The following ELOC variants were observed in gnomAD, a reference collection of about 807,000 sequenced individuals.
ELOC encodes elongin C.
For missense variants in ELOC, 38 were observed against 139.0 expected (o/e 0.27, Z 3.65); for synonymous variants, 40 against 51.3 (o/e 0.78, Z 0.94).
chr8:73,957,604 C>A (rs1339342020), intron 2 of ELOC, among the ~76,000 whole-genome samples: 1 of 152,110 alleles, frequency 6.6e-6, no homozygotes, highest in Non-Finnish European at 1.5e-5. Context: ...CACTCATGTG[C>A]TCCCACTGCC....
intron 1 of ELOC, among the ~76,000 whole-genome samples, chr8:73,965,455 A>T (rs1814910086): frequency 6.6e-6 from 1 of 152,246 alleles, no homozygotes; most frequent in Admixed American, 6.5e-5. Flanking sequence ...ATTCACAAAA[A>T]GGGATGATCT....
chr8:73,967,813 C>G (rs1311017981), intron 1 of ELOC, among the ~76,000 whole-genome samples: 1 of 152,170 alleles, frequency 6.6e-6, no homozygotes, highest in Non-Finnish European at 1.5e-5. Flanking sequence ...GAATTTCTGT[C>G]CAACTATTAA....
chr8:73,948,576 TA>T (rs1813535698), intron 3 of ELOC, among the ~76,000 whole-genome samples: 1 of 152,102 alleles, frequency 6.6e-6, no homozygotes, highest in African/African-American at 2.4e-5. Context: ...TCTTAAAAGA[TA>T]AAACAAAACA....
intron 3 of ELOC, among the ~76,000 whole-genome samples, chr8:73,947,596 T>C (rs181837419): frequency 2.0e-4 from 31 of 152,012 alleles, no homozygotes; most frequent in Admixed American, 1.6e-3. Flanking sequence ...TTTTTTGACA[T>C]AGAGTCTTGA....
chr8:73,956,155 C>T (rs1814168943), intron 2 of ELOC, 101 bp from the exon 3 acceptor site: 3 of 1,103,284 alleles, frequency 2.7e-6, no homozygotes, highest in Non-Finnish European at 3.9e-6. Context: ...AATCCCAGCA[C>T]TTTGGCAGGC....
chr8:73,967,271 G>A (rs1051240658), intron 1 of ELOC, among the ~76,000 whole-genome samples: 7 of 152,056 alleles, frequency 4.6e-5, no homozygotes, highest in Non-Finnish European at 7.4e-5. Flanking sequence ...TTTTAGTGTG[G>A]GGGTTGACAC....
intron 3 of ELOC, among the ~76,000 whole-genome samples, chr8:73,947,326 CAT>C (rs1351651115): frequency 6.6e-6 from 1 of 151,920 alleles, no homozygotes; most frequent in Non-Finnish European, 1.5e-5. Context: ...CAGAGATGGG[CAT>C]AGAGGGAAAA....
At chr8:73,953,080 T>C (rs1297313927) in intron 3 of ELOC, among the ~76,000 whole-genome samples, 3 of 151,886 alleles carry the variant, frequency 2.0e-5, no homozygotes, top group Non-Finnish European at 4.4e-5. Flanking sequence ...CGAGGTGGGC[T>C]GATCACTTGA....
At chr8:73,959,084 C>T (rs1343105923) in intron 2 of ELOC, among the ~76,000 whole-genome samples, 1 of 152,078 alleles carries the variant, frequency 6.6e-6, no homozygotes, top group African/African-American at 2.4e-5. Flanking sequence ...AAAAGGTATA[C>T]CTGTATAGGG....
chr8:73,968,816 T>C (rs1252975477), intron 1 of ELOC, among the ~76,000 whole-genome samples: 1 of 152,240 alleles, frequency 6.6e-6, no homozygotes, highest in African/African-American at 2.4e-5. Flanking sequence ...GGGGTTCTTA[T>C]CAAATTTCAA....
At chr8:73,957,050 G>A (rs2131120624) in intron 2 of ELOC, among the ~76,000 whole-genome samples, 1 of 152,096 alleles carries the variant, frequency 6.6e-6, no homozygotes, top group African/African-American at 2.4e-5. Context: ...GCGGGTGCCT[G>A]TAGTCCCAGC....
intron 1 of ELOC, among the ~76,000 whole-genome samples, chr8:73,961,405 A>G (rs1814584577): frequency 6.6e-6 from 1 of 152,252 alleles, no homozygotes; most frequent in Non-Finnish European, 1.5e-5. Flanking sequence ...TCATCCATGT[A>G]GAGAGGATAA....
chr8:73,958,790 T>C (rs1814384602), intron 2 of ELOC, among the ~76,000 whole-genome samples: 1 of 152,240 alleles, frequency 6.6e-6, no homozygotes, highest in African/African-American at 2.4e-5. Context: ...CTGATCTGCC[T>C]GTCGGGAATA....
At chr8:73,958,545 G>A (rs1027514672) in intron 2 of ELOC, among the ~76,000 whole-genome samples, 1 of 152,064 alleles carries the variant, frequency 6.6e-6, no homozygotes, top group Non-Finnish European at 1.5e-5. Flanking sequence ...CATAAAAAGC[G>A]GGAGGAGCCA....
At position 73,946,926 on chromosome 8, in the gene ELOC, A is replaced by G. The variant is rs564898780; in HGVS notation, c.149-106T>C. The G allele has an allele frequency of 7.6e-5, 70 of 916,104 alleles. No homozygotes were observed. The East Asian group carries it at 1.7e-3, about 23-fold the overall frequency. The allele number at this position is 916,104 out of a possible 1,614,324, so 56.7% of individuals were successfully genotyped here. ...CCACAGAATGTGGCTGTATTTAGAG[A>G]TAAGTTCTTTAAAGAGGTAATTAAA... is the stretch of plus-strand genomic sequence containing the variant. On this transcript the variant is annotated intron_variant, in intron 3 of 3. Coordinates refer to ENST00000520242, the MANE Select transcript of ELOC (RefSeq NM_005648.4).
chr8:73,959,858 A>G, intron 1 of ELOC, 40 bp from the exon 2 acceptor site: 1 of 1,139,620 alleles, frequency 8.8e-7, no homozygotes, highest in Non-Finnish European at 1.2e-6. Context: ...TAATGTTGCA[A>G]GAGACAAGTT....
intron 2 of ELOC, 113 bp downstream of exon 2, chr8:73,959,652 C>A: frequency 1.2e-6 from 1 of 859,026 alleles, no homozygotes. Flanking sequence ...TTGATGTGGA[C>A]AACTAATTTC....
intron 1 of ELOC, among the ~76,000 whole-genome samples, chr8:73,966,032 GTATGACC>G (rs771044633): frequency 2.0e-5 from 3 of 152,182 alleles, no homozygotes; most frequent in Non-Finnish European, 4.4e-5. Flanking sequence ...AAAGTGAACA[GTATGACC>G]TCAGTCAGAC....
intron 1 of ELOC, among the ~76,000 whole-genome samples, chr8:73,964,093 C>CAAAAAAAAAAA: frequency 1.2e-5 from 1 of 80,332 alleles, no homozygotes; most frequent in Non-Finnish European, 2.2e-5. Flanking sequence ...AATTCCGTCT[C>CAAAAAAAAAAA]AAAAAAAAAA....
Sources: allele counts gnomAD v4.1 joint callset (sites outside exome capture counted in the v4.1 genomes callset), GRCh38; gene constraint gnomAD v4.1.1; transcripts MANE v1.5; gene names NCBI Gene and HGNC (gene_info 2026-07-23, HGNC 2026-07-21).